The following CELSR1 variants were observed in gnomAD, a reference collection of about 807,000 sequenced individuals.
The protein encoded by CELSR1 is adhesion G protein-coupled receptor C1.
CELSR1 carries 110 observed loss-of-function variants against 249.1 expected under a neutral mutation model. The ratio of observed to expected loss-of-function variants is 0.44; its 90% CI spans 0.38 to 0.52. The LOEUF (loss-of-function observed/expected upper bound fraction) is 0.52. CELSR1 is among the 20% of genes least tolerant of loss of function. The pLI, the probability that CELSR1 is intolerant of heterozygous loss-of-function variation, is 0.00. For synonymous variants in CELSR1, 2,113 were observed against 1,900.0 expected (o/e 1.11, Z -2.92); for missense variants, 4,109 against 4,296.4 (o/e 0.96, Z 1.22).
intron 23 of CELSR1, 98 bp downstream of exon 23, chr22:46,378,493 G>A: frequency 2.9e-6 from 4 of 1,387,156 alleles, no homozygotes; most frequent in Non-Finnish European, 3.9e-6. Context: ...CAGCAGGTTT[G>A]AGGACGGGCA....
chr22:46,435,279 A>ATTTTTT (rs887443508), intron 4 of CELSR1, among the ~76,000 whole-genome samples: 1 of 108,368 alleles, frequency 9.2e-6, no homozygotes, highest in African/African-American at 4.4e-5. Context: ...AAAAAAAAAA[A>ATTTTTT]TTTTTTTTTT....
chr22:46,530,461 C>CA (rs2080780618), intron 1 of CELSR1: 1 of 151,942 alleles, frequency 6.6e-6, no homozygotes, highest in African/African-American at 2.4e-5. Flanking sequence ...AGAGCACATT[C>CA]AAGGCTTGAG....
intron 5 of CELSR1, among the ~76,000 whole-genome samples, chr22:46,422,142 G>T (rs964469439): frequency 6.6e-6 from 1 of 151,870 alleles, no homozygotes; most frequent in African/African-American, 2.4e-5. Context: ...GTCTCACTCT[G>T]TCGCCCAGGC....
At position 46,427,487 on chromosome 22, in the gene CELSR1, A is replaced by G. The variant is rs143903622; in HGVS notation, c.4611+5906T>C. ...GGGAGGCAGAGGTTGCAGTGAGCCA[A>G]GACAGCAACAAAGGCGCCTGGGCGA... On this transcript the variant is annotated intron_variant, in intron 5 of 34. Transcript: ENST00000674500. The surrounding 1 kb of genome is among the most constrained non-coding windows in gnomAD (Gnocchi z 4.2). Among the ~76,000 whole-genome samples, 41 of 152,348 alleles carry G rather than the reference A, an allele frequency of 2.7e-4. No homozygotes were observed. In the East Asian group the frequency reaches 7.1e-3, roughly 27 times the overall value.
At position 46,536,864 on chromosome 22, in the gene CELSR1, G is replaced by A. The variant is rs1478598550; in HGVS notation, c.307C>T (p.Arg103Cys). 3 of 1,230,914 alleles carry A rather than the reference G, an allele frequency of 2.4e-6. No individual in the cohort carries two copies. The highest frequency in any genetic ancestry group is 1.6e-5 in the African/African-American group (1 of 62,264). 76.2% of individuals were successfully genotyped at this position (1,230,914 alleles called of 1,614,324 possible). ...AGGTGCGTGCGCGCCCGCAGGCGGCGGCTCAGCGCCGTCGGGGCACTGCGG... is the reference window on the plus strand; with the variant it reads ...AGGTGCGTGCGCGCCCGCAGGCGGCAGCTCAGCGCCGTCGGGGCACTGCGG... Reference protein sequence around the residue: ...VARSAPTALSRRLRARTHLPG... With the variant: ...VARSAPTALSCRLRARTHLPG... Residue 103 changes from arginine (R) to cysteine (C), a missense_variant, in exon 1 of 35, where the codon CGC becomes TGC. Coordinates refer to ENST00000674500, the MANE Select transcript of CELSR1 (RefSeq NM_001378328.1).
Position 46,531,179 on chromosome 22 carries a change from G to T in CELSR1, c.3544+2448C>A, listed in dbSNP as rs192224835. 4.1e-4 allele frequency among the ~76,000 whole-genome samples: 56 copies of T among 137,620 alleles called. No individual in the cohort carries two copies. The South Asian group carries it at 0.013, about 32-fold the overall frequency. The allele number at this position is 137,620 out of a possible 152,430, so 90.3% of individuals were successfully genotyped here. On this transcript the variant is annotated intron_variant, in intron 1 of 34. Coordinates refer to ENST00000674500, the MANE Select transcript of CELSR1 (RefSeq NM_001378328.1). ...TAGTCGAATGGTCTGAGATTTCTGCGCATCCTTTTATTTATTTATTTATTT... is the reference window on the plus strand; with the variant it reads ...TAGTCGAATGGTCTGAGATTTCTGCTCATCCTTTTATTTATTTATTTATTT...
chr22:46,365,792 C>A (rs2147157988), intron 30 of CELSR1, 103 bp from the exon 31 acceptor site: 1 of 664,534 alleles, frequency 1.5e-6, no homozygotes, highest in Non-Finnish European at 2.3e-6. Flanking sequence ...TCTGTGTTCC[C>A]AACAACAGCA....
At chr22:46,523,589 G>A (rs1005779499) in intron 1 of CELSR1, among the ~76,000 whole-genome samples, 1 of 149,780 alleles carries the variant, frequency 6.7e-6, no homozygotes, top group African/African-American at 2.5e-5. Context: ...ATCTTGATGG[G>A]TGGATGGATA....
chr22:46,431,662 C>T (rs1354079153), intron 5 of CELSR1, among the ~76,000 whole-genome samples: 1 of 152,194 alleles, frequency 6.6e-6, no homozygotes. Flanking sequence ...GAGTAGGCAG[C>T]GCCAGGCAGC....
intron 1 of CELSR1, among the ~76,000 whole-genome samples, chr22:46,492,255 A>G (rs2080374603): frequency 6.6e-6 from 1 of 152,184 alleles, no homozygotes; most frequent in South Asian, 2.1e-4. Flanking sequence ...TCTCATTTCA[A>G]AACACAAGTT....
intron 1 of CELSR1, among the ~76,000 whole-genome samples, chr22:46,493,765 G>A (rs919917322): frequency 3.3e-5 from 5 of 152,048 alleles, no homozygotes; most frequent in African/African-American, 7.2e-5. Context: ...GAGTTCCCCT[G>A]CACAAGCTTT....
At position 46,433,516 on chromosome 22, in the gene CELSR1, G is replaced by A; in HGVS notation, c.4523-35C>T. On this transcript the variant is annotated intron_variant, in intron 4 of 34. Transcript: ENST00000674500. The surrounding 1 kb of genome is among the most constrained non-coding windows in gnomAD (Gnocchi z 5.7). The stretch of plus-strand genomic sequence containing the variant: ...GGGAGGGAGACCCAGAGAGAAAACA[G>A]GGGTTGGCGGGGCCTACTGGGGACC... 1 of 1,554,928 alleles carries A rather than the reference G, an allele frequency of 6.4e-7. No homozygotes were observed. The highest frequency in any genetic ancestry group is 1.1e-5 in the South Asian group (1 of 88,722).
At chr22:46,442,392 C>G (rs1374829554) in intron 2 of CELSR1, among the ~76,000 whole-genome samples, 2 of 152,228 alleles carry the variant, frequency 1.3e-5, no homozygotes, top group Admixed American at 1.3e-4. Flanking sequence ...AGGCCATCCC[C>G]GAGGGGCCAT....
At chr22:46,480,247 T>A (rs2080253218) in intron 1 of CELSR1, among the ~76,000 whole-genome samples, 1 of 152,182 alleles carries the variant, frequency 6.6e-6, no homozygotes, top group Admixed American at 6.5e-5. Context: ...GCCTGTCATG[T>A]TTTTGCATGG....
Position 46,367,032 on chromosome 22 carries a change from G to A in CELSR1, c.8166C>T (p.His2722=). Residue 2722 remains histidine, a synonymous_variant, in exon 29 of 35, where the codon CAC becomes CAT. Transcript: ENST00000674500. The part of the protein sequence containing the change: ...LKGVLGGRKL[H]LEDSATTRAT... ...CCCTGGTGGTGGCGGAGTCCTCCAGGTGCAGCTTCCTCCCGCCGAGCACGC... is the reference window on the plus strand; with the variant it reads ...CCCTGGTGGTGGCGGAGTCCTCCAGATGCAGCTTCCTCCCGCCGAGCACGC... The A allele has an allele frequency of 2.5e-6, 4 of 1,610,822 alleles. No individual in the cohort carries two copies. Among genetic ancestry groups the A allele is most frequent in the Non-Finnish European group, 3.4e-6 (4 of 1,179,580 alleles).
chr22:46,367,230 CACACGGCCCAGG>C (rs1361477422), intron 28 of CELSR1, 112 bp from the exon 29 acceptor site: 1 of 1,398,396 alleles, frequency 7.2e-7, no homozygotes, highest in African/African-American at 1.4e-5. Flanking sequence ...CATGTCCGGC[CACACGGCCCAGG>C]ACACGGCCAG....
Position 46,434,854 on chromosome 22 carries a change from G to A in CELSR1, c.4522+1320C>T, listed in dbSNP as rs532171805. 1.6e-4 allele frequency among the ~76,000 whole-genome samples: 25 copies of A among 152,170 alleles called. No homozygotes were observed. Among genetic ancestry groups the A allele is most frequent in the Middle Eastern group, 3.4e-3 (1 of 294 alleles). On this transcript the variant is annotated intron_variant, in intron 4 of 34. Coordinates refer to ENST00000674500, the MANE Select transcript of CELSR1 (RefSeq NM_001378328.1). This position sits in a 1 kb window ranked among gnomAD's most constrained non-coding sequence, Gnocchi z 4.9. The stretch of plus-strand genomic sequence containing the variant: ...TCTACTAAAAATACAAAAATTAGCC[G>A]GGCATGGTGAAACGTGCCTGTATTC...
rs570785302 is a variant in CELSR1 at position 46,427,728 on chromosome 22, G to A, written c.4611+5665C>T. Reference sequence around the variant, plus strand: ...CGTTTCTGTAAGTTGGATTCTGTGCGTGTAATTGGCACTCAATTAACATGG... The same window carrying A: ...CGTTTCTGTAAGTTGGATTCTGTGCATGTAATTGGCACTCAATTAACATGG... On this transcript the variant is annotated intron_variant, in intron 5 of 34. Coordinates refer to ENST00000674500, the MANE Select transcript of CELSR1 (RefSeq NM_001378328.1). The surrounding 1 kb of genome is among the most constrained non-coding windows in gnomAD (Gnocchi z 4.2). Among the ~76,000 whole-genome samples the A allele has an allele frequency of 1.3e-5, 2 of 152,266 alleles. No individual in the cohort carries two copies. The highest frequency in any genetic ancestry group is 1.9e-4 in the East Asian group (1 of 5,170).
At chr22:46,421,911 C>A (rs2079477643) in intron 5 of CELSR1, among the ~76,000 whole-genome samples, 1 of 152,290 alleles carries the variant, frequency 6.6e-6, no homozygotes, top group African/African-American at 2.4e-5. Flanking sequence ...GCATCCCCAT[C>A]CCCTCCTCTT....
Sources: allele counts gnomAD v4.1 joint callset (sites outside exome capture counted in the v4.1 genomes callset), GRCh38; gene constraint gnomAD v4.1.1; non-coding constraint Gnocchi (gnomAD v3.1); transcripts MANE v1.5; gene names NCBI Gene and HGNC (gene_info 2026-07-23, HGNC 2026-07-21).